FGF14: variants seen among roughly 807,000 people sequenced by gnomAD.
FGF14 encodes fibroblast growth factor homologous factor 4.
Under a neutral mutation model 25.5 loss-of-function variants are expected in FGF14, and 5 were observed. That is an observed-to-expected ratio of 0.20 (90% confidence interval 0.10 to 0.41). FGF14 has a LOEUF of 0.41. FGF14 is among the 10% of genes least tolerant of loss of function. FGF14 has a pLI of 1.00. For missense variants in FGF14, 222 were observed against 320.1 expected (o/e 0.69, Z 2.34); for synonymous variants, 138 against 118.3 (o/e 1.17, Z -1.08).
chr13:101,763,474 A>G (rs995698540), intron 3 of FGF14, among the ~76,000 whole-genome samples: 1 of 152,232 alleles, frequency 6.6e-6, no homozygotes, highest in East Asian at 1.9e-4. Context: ...GGCATAGTGA[A>G]GGAACTTTGT....
intron 1 of FGF14, among the ~76,000 whole-genome samples, chr13:102,198,841 G>C (rs1382210990): frequency 1.3e-5 from 2 of 152,156 alleles, no homozygotes; most frequent in Admixed American, 1.3e-4. Flanking sequence ...CTCTGACATG[G>C]CTTATGGACA....
intron 1 of FGF14, among the ~76,000 whole-genome samples, chr13:102,040,923 T>C (rs1265916882): frequency 6.6e-6 from 1 of 152,120 alleles, no homozygotes; most frequent in African/African-American, 2.4e-5. Flanking sequence ...ATATTTCTTA[T>C]TCTTGGTAGT....
intron 3 of FGF14, among the ~76,000 whole-genome samples, chr13:101,817,964 G>C (rs2140219863): frequency 6.6e-6 from 1 of 152,254 alleles, no homozygotes; most frequent in East Asian, 1.9e-4. Context: ...TAAACAAATT[G>C]TATGCCATCT....
chr13:102,386,289 A>T (rs1304546786), intron 1 of FGF14, among the ~76,000 whole-genome samples: 2 of 151,872 alleles, frequency 1.3e-5, no homozygotes, highest in Non-Finnish European at 2.9e-5. Flanking sequence ...TGTGCCACCA[A>T]GCCAGGCTAA....
rs201195498 is a variant in FGF14 at position 101,916,546 on chromosome 13, T to C, written c.100A>G (p.Ser34Gly). The change falls in exon 1 of 5, where the codon AGC (serine) becomes GGC (glycine). Residue 34 changes from serine to glycine, a missense_variant. By Grantham distance (56) the Ser-to-Gly change is moderately conservative. Around this residue, in one of 5 missense-constraint regions of FGF14, gnomAD observed 80 missense variants for 72.2 expected, o/e 1.11. Transcript: ENST00000376143. The stretch of plus-strand genomic sequence containing the variant: ...CCGTTGCAGAGCCCGCGGTTCTTGC[T>C]GGGGCTGCTCCGCCTCCTGCTGGCA... ...PSASRRRSSP[S>G]KNRGLCNGNL... is the part of the protein sequence containing the mutation. 3.0e-5 allele frequency: 49 copies of C among 1,613,400 alleles called. No homozygotes were observed. Among genetic ancestry groups the C allele is most frequent in the Non-Finnish European group, 1.4e-5 (17 of 1,179,912 alleles).
At chr13:101,992,617 A>G (rs1300524136) in intron 1 of FGF14, among the ~76,000 whole-genome samples, 1 of 152,140 alleles carries the variant, frequency 6.6e-6, no homozygotes, top group Non-Finnish European at 1.5e-5. Context: ...AAATGTAAGC[A>G]GAAGGACAGA....
intron 1 of FGF14, among the ~76,000 whole-genome samples, chr13:102,174,513 A>G (rs1032437860): frequency 4.6e-5 from 7 of 151,950 alleles, no homozygotes; most frequent in African/African-American, 1.5e-4. Context: ...AACCAAATCA[A>G]AAACTCAATT....
chr13:102,298,432 C>G (rs1044637741), intron 1 of FGF14, among the ~76,000 whole-genome samples: 3 of 152,124 alleles, frequency 2.0e-5, no homozygotes, highest in Admixed American at 1.3e-4. Context: ...CTGTTTTACT[C>G]TCTATTTTTG....
intron 1 of FGF14, among the ~76,000 whole-genome samples, chr13:101,927,669 T>C (rs367839379): frequency 1.5e-4 from 23 of 152,286 alleles, no homozygotes; most frequent in African/African-American, 5.3e-4. Context: ...GAGTTGCCCC[T>C]TTCTGGCCTC....
chr13:102,145,772 T>C (rs765440997), intron 1 of FGF14, among the ~76,000 whole-genome samples: 45 of 152,232 alleles, frequency 3.0e-4, no homozygotes, highest in Non-Finnish European at 6.0e-4. Flanking sequence ...GTGCATTGGT[T>C]ATCTTTATGC....
At chr13:102,054,955 C>T (rs2042367508) in intron 1 of FGF14, among the ~76,000 whole-genome samples, 1 of 152,178 alleles carries the variant, frequency 6.6e-6, no homozygotes, top group Admixed American at 6.5e-5. Flanking sequence ...ATTTTCATCA[C>T]CCATCTTTTT....
chr13:102,104,161 G>A (rs2044792825), intron 1 of FGF14, among the ~76,000 whole-genome samples: 1 of 152,180 alleles, frequency 6.6e-6, no homozygotes, highest in Admixed American at 6.5e-5. Context: ...ATCAGCACCA[G>A]TACTGTCATT....
chr13:102,401,773 A>G, exon 1 of FGF14: 2 of 1,072,362 alleles, frequency 1.9e-6, no homozygotes, highest in Non-Finnish European at 2.8e-6. Context: ...GTTTTCGGCC[A>G]GGGTGAATGA....
At chr13:101,733,297 G>A (rs972947265) in intron 3 of FGF14, among the ~76,000 whole-genome samples, 3 of 151,982 alleles carry the variant, frequency 2.0e-5, no homozygotes, top group Admixed American at 6.6e-5. Flanking sequence ...AATTATGTAC[G>A]AGTTTAAGAG....
At chr13:101,736,303 A>G (rs2139751501) in intron 3 of FGF14, among the ~76,000 whole-genome samples, 1 of 152,338 alleles carries the variant, frequency 6.6e-6, no homozygotes, top group East Asian at 1.9e-4. Context: ...AAATAATAAA[A>G]TATACATTCT....
At chr13:102,161,631 G>GA (rs1204070319) in intron 1 of FGF14, among the ~76,000 whole-genome samples, 22 of 6,568 alleles carry the variant, frequency 3.3e-3, no homozygotes, top group Admixed American at 7.2e-3. Flanking sequence ...AGAAGAAGAA[G>GA]AAGAAGAAGA....
intron 1 of FGF14, among the ~76,000 whole-genome samples, chr13:102,121,284 T>C (rs1015825307): frequency 1.1e-4 from 17 of 152,072 alleles, no homozygotes; most frequent in African/African-American, 3.9e-4. Context: ...AGGTGGAAAA[T>C]CTTATCAAAG....
At position 101,714,704 on chromosome 13, in the gene FGF14, CCCTCACAAAAG is replaced by C; in HGVS notation, c.*8116_*8126del. The C allele has an allele frequency of 1.6e-6, 1 of 609,492 alleles. No individual in the cohort carries two copies. Among genetic ancestry groups the C allele is most frequent in the African/African-American group, 1.8e-5 (1 of 54,280 alleles). 37.8% of individuals were successfully genotyped at this position (609,492 alleles called of 1,614,324 possible). On this transcript the variant is annotated 3_prime_UTR_variant, in exon 5 of 5. Coordinates refer to ENST00000376143, the MANE Select transcript of FGF14 (RefSeq NM_004115.4). ...GGCGAAGTGGGCATTTGGGAAAAAGCCCTCACAAAAGCCTCACATTATTCCTAGGCATAGAA... is the reference window on the plus strand; with the variant it reads ...GGCGAAGTGGGCATTTGGGAAAAAGCCCTCACATTATTCCTAGGCATAGAA...
At chr13:101,753,869 G>C (rs2037469625) in intron 3 of FGF14, among the ~76,000 whole-genome samples, 1 of 151,774 alleles carries the variant, frequency 6.6e-6, no homozygotes, top group South Asian at 2.1e-4. Flanking sequence ...ACTCGTTATT[G>C]AGTAAAAGCT....
Sources: allele counts gnomAD v4.1 joint callset (sites outside exome capture counted in the v4.1 genomes callset), GRCh38; gene constraint gnomAD v4.1.1; regional missense constraint gnomAD v4.1.1; transcripts MANE v1.5; gene names NCBI Gene and HGNC (gene_info 2026-07-23, HGNC 2026-07-21).